MYG1: variants seen among roughly 807,000 people sequenced by gnomAD.
MYG1 encodes MYG1 exonuclease.
Under a neutral mutation model 43.5 loss-of-function variants are expected in MYG1, and 36 were observed. The ratio of observed to expected loss-of-function variants is 0.83; its 90% confidence interval spans 0.63 to 1.09. The LOEUF (loss-of-function observed/expected upper bound fraction) is 1.09, where lower values mean the gene tolerates loss of function less well. Among genes scored for constraint, MYG1 ranks in the 50% least tolerant of loss-of-function variants. The pLI is 0.00. For synonymous variants in MYG1, 220 were observed against 202.8 expected (o/e 1.08, Z -0.72); for missense variants, 529 against 495.1 (o/e 1.07, Z -0.65).
intron 3 of MYG1, 106 bp from the exon 4 acceptor site, chr12:53,305,802 G>C (rs1379133174): frequency 7.2e-7 from 1 of 1,395,950 alleles, no homozygotes; most frequent in East Asian, 2.4e-5. Context: ...AATGTTGAGA[G>C]ATCCTCACAG....
At position 53,300,262 on chromosome 12, in the gene MYG1, G is replaced by A; in HGVS notation, c.329G>A (p.Arg110Lys). ...AGACACCGATATGACCATCACCAGA[G>A]GTAGGTTCTCAGATACCATTTATTT... is the stretch of plus-strand genomic sequence containing the variant. ...PRRHRYDHHQ[R>K]SFTETMSSLS... The change falls in exon 2 of 7, where the codon AGG becomes AAG. Residue 110 changes from arginine to lysine, a missense_variant and splice_region_variant. Transcript: ENST00000267103. 4 of 1,557,812 alleles carry A rather than the reference G, an allele frequency of 2.6e-6. No individual in the cohort carries two copies. The highest frequency in any genetic ancestry group is 3.5e-6 in the Non-Finnish European group (4 of 1,150,416).
rs368188056 is a variant in MYG1 at position 53,299,714 on chromosome 12, C to T, written c.-24C>T. ...CGCTTCCTCTTCCGGGTCGGCGCTC[C>T]TGCCTCCCTGCAGGGAGCTGCTTAT... is the stretch of plus-strand genomic sequence containing the variant. On this transcript the variant is annotated 5_prime_UTR_variant, in exon 1 of 7. Transcript: ENST00000267103. 53 of 1,593,246 alleles carry T rather than the reference C, an allele frequency of 3.3e-5. No homozygotes were observed. In the African/African-American group the frequency reaches 5.8e-4, roughly 17 times the overall value.
chr12:53,300,005 G>A (rs761408410), intron 1 of MYG1, 52 bp downstream of exon 1: 2 of 1,601,722 alleles, frequency 1.2e-6, no homozygotes, highest in South Asian at 1.1e-5. Context: ...TGCCTCCGGG[G>A]TGGATGGCAT....
chr12:53,306,131 T>C (rs111708686), intron 4 of MYG1, 67 bp from the exon 5 acceptor site: 7 of 1,609,308 alleles, frequency 4.3e-6, no homozygotes, highest in Non-Finnish European at 5.9e-6. Flanking sequence ...GAGCATTTGC[T>C]CCTCCTAAGC....
At position 53,300,209 on chromosome 12, in the gene MYG1, G is replaced by A. The variant is rs906748816; in HGVS notation, c.276G>A (p.Val92=). 6.2e-7 allele frequency: 1 copy of A among 1,605,666 alleles called. No homozygotes were observed. Among genetic ancestry groups the A allele is most frequent in the African/African-American group, 1.3e-5 (1 of 74,780 alleles). ...PEKLASCDIV[V]DVGGEYDPRR... ...AACTCGCTTCCTGTGACATCGTGGTGGACGTGGGGGGCGAGTACGACCCTC... is the reference window on the plus strand; with the variant it reads ...AACTCGCTTCCTGTGACATCGTGGTAGACGTGGGGGGCGAGTACGACCCTC... Residue 92 remains valine, a synonymous_variant, in exon 2 of 7, where the codon GTG becomes GTA. Transcript: ENST00000267103.
intron 2 of MYG1, 136 bp downstream of exon 2, chr12:53,300,398 T>G (rs940115028): frequency 3.1e-6 from 2 of 645,826 alleles, no homozygotes; most frequent in Admixed American, 3.3e-5. Flanking sequence ...CCACTAGGAC[T>G]ACATCATCCT....
intron 6 of MYG1, 34 bp downstream of exon 6, chr12:53,306,895 A>C: frequency 6.2e-7 from 1 of 1,607,670 alleles, no homozygotes; most frequent in Non-Finnish European, 8.5e-7. Context: ...GCAGACCTTC[A>C]GGCTTGTCTC....
chr12:53,300,081 C>T, intron 1 of MYG1, 69 bp from the exon 2 acceptor site: 4 of 1,526,178 alleles, frequency 2.6e-6, no homozygotes, highest in Non-Finnish European at 3.6e-6. Flanking sequence ...TTCCTGCCTC[C>T]CTGAAGTCCA....
chr12:53,307,054 A>C lies in MYG1; in HGVS notation c.1036A>C (p.Ser346Arg). 1 of 1,614,210 alleles carries C rather than the reference A, an allele frequency of 6.2e-7. No individual in the cohort carries two copies. Residue 346 changes from serine to arginine, a missense_variant, in exon 7 of 7, where the codon AGC (serine) becomes CGC (arginine). Transcript: ENST00000267103. ...CCCTGGCTGCATCTTCGTCCATGCA[A>C]GCGGCTTCACTGGCGGTCACCACAC... ...GIPGCIFVHA[S>R]GFTGGHHTRE...
At chr12:53,302,471 T>A (rs1031556219) in intron 2 of MYG1, among the ~76,000 whole-genome samples, 1 of 152,204 alleles carries the variant, frequency 6.6e-6, no homozygotes, top group Non-Finnish European at 1.5e-5. Flanking sequence ...CCATTGCAGG[T>A]AATCTCCTTG....
intron 1 of MYG1, 70 bp downstream of exon 1, chr12:53,300,023 A>G (rs936596953): frequency 5.7e-6 from 9 of 1,585,698 alleles, no homozygotes; most frequent in Non-Finnish European, 6.9e-6. Flanking sequence ...CATTCCGCCA[A>G]CAGGGTCACT....
intron 5 of MYG1, 102 bp downstream of exon 5, chr12:53,306,422 C>A: frequency 6.6e-7 from 1 of 1,513,938 alleles, no homozygotes. Context: ...CAGTGGCAGA[C>A]AACCTCAACC....
At position 53,299,786 on chromosome 12, in the gene MYG1, C is replaced by T. The variant is rs1355344017; in HGVS notation, c.49C>T (p.Pro17Ser). Residue 17 changes from proline (P) to serine (S), a missense_variant, in exon 1 of 7, where the codon CCA (proline) becomes TCA (serine). By Grantham distance (74) the Pro-to-Ser change is moderately conservative. Transcript: ENST00000267103. ...RGLLTLLLPP[P>S]PLYTRHRMLG... is the part of the protein sequence containing the mutation. ...CCTCTTAACGCTGCTGCTGCCGCCG[C>T]CACCCCTGTATACCCGGCACCGCAT... 6.2e-7 allele frequency: 1 copy of T among 1,613,886 alleles called. No homozygotes were observed. Among genetic ancestry groups the T allele is most frequent in the Non-Finnish European group, 8.5e-7 (1 of 1,179,822 alleles).
In MYG1 at chr12:53,305,978, C is replaced by T. The variant is rs778214873; in HGVS notation, c.560C>T (p.Pro187Leu). 2 of 1,613,984 alleles carry T rather than the reference C, an allele frequency of 1.2e-6. No homozygotes were observed. Among genetic ancestry groups the T allele is most frequent in the Non-Finnish European group, 1.7e-6 (2 of 1,179,958 alleles). The stretch of plus-strand genomic sequence containing the variant: ...ATCTCCCAGTGGGCAGAGGGGGAGC[C>T]TCGATATGCACTGACCACTACCCTG... ...NGISQWAEGE[P>L]RYALTTTLSA... Residue 187 changes from proline (P) to leucine (L), a missense_variant, in exon 4 of 7, where the codon CCT (proline) becomes CTT (leucine). By Grantham distance (98) the Pro-to-Leu change is moderately conservative. Coordinates refer to ENST00000267103, the MANE Select transcript of MYG1 (RefSeq NM_021640.4).
At chr12:53,305,034 A>G (rs1944262460) in intron 3 of MYG1, among the ~76,000 whole-genome samples, 1 of 151,192 alleles carries the variant, frequency 6.6e-6, no homozygotes, top group African/African-American at 2.4e-5. Flanking sequence ...ACGCCCGGCT[A>G]ATTTTTTGTA....
chr12:53,306,503 C>T lies in MYG1; in HGVS notation c.766-177C>T, dbSNP rs113224313. On this transcript the variant is annotated intron_variant, in intron 5 of 6. Transcript: ENST00000267103. The stretch of plus-strand genomic sequence containing the variant: ...GGACTACAGGCACACACCACCTCAC[C>T]CAGCTAATTTTTGTATTTTTTGTAG... The T allele has an allele frequency of 5.5e-4, 594 of 1,072,252 alleles. 3 individuals carry two copies. In the African/African-American group the frequency reaches 8.0e-3, roughly 14 times the overall value. 66.4% of individuals were successfully genotyped at this position (1,072,252 alleles called of 1,614,324 possible).
chr12:53,306,410 T>C (rs1249321687), intron 5 of MYG1, 90 bp downstream of exon 5: 1 of 1,557,138 alleles, frequency 6.4e-7, no homozygotes, highest in East Asian at 2.2e-5. Flanking sequence ...AACCCTGGAG[T>C]GCAGTGGCAG....
intron 3 of MYG1, among the ~76,000 whole-genome samples, chr12:53,305,379 A>G (rs2121069210): frequency 6.6e-6 from 1 of 152,234 alleles, no homozygotes; most frequent in South Asian, 2.1e-4. Flanking sequence ...CCCAGGAGAC[A>G]ACTGCTGATG....
At chr12:53,301,606 C>T (rs576216722) in intron 2 of MYG1, among the ~76,000 whole-genome samples, 1 of 152,320 alleles carries the variant, frequency 6.6e-6, no homozygotes, top group South Asian at 2.1e-4. Flanking sequence ...GGCAGAAGGG[C>T]ACCAGTTACC....
Sources: gnomAD v4.1 joint callset for allele counts (sites outside exome capture counted in the v4.1 genomes callset) on GRCh38, gnomAD v4.1.1 for gene constraint, MANE v1.5 for transcripts, NCBI Gene and HGNC (gene_info 2026-07-23, HGNC 2026-07-21) for gene names.